Variants in G3BP1 observed in about 807,000 individuals in gnomAD.
G3BP1 encodes the protein ras GTPase-activating protein-binding protein 1.
In G3BP1, 35 loss-of-function variants were observed where a neutral mutation model predicts 58.6. That is an observed-to-expected ratio of 0.60 (90% CI 0.46 to 0.79). The LOEUF (loss-of-function observed/expected upper bound fraction) is 0.79, where lower values mean the gene tolerates loss of function less well. Among genes scored for constraint, G3BP1 ranks in the 30% least tolerant of loss-of-function variants. The pLI, the probability that G3BP1 is intolerant of heterozygous loss-of-function variation, is 0.00. For synonymous variants in G3BP1, 191 were observed against 195.4 expected, an observed-to-expected ratio of 0.98 and a Z score of 0.19; for missense variants, 523 against 580.8, an observed-to-expected ratio of 0.90 and a Z score of 1.02.
intron 4 of G3BP1, 70 bp downstream of exon 4, chr5:151,791,132 A>G (rs1317743885): frequency 1.6e-6 from 2 of 1,284,138 alleles, no homozygotes; most frequent in Admixed American, 3.4e-5. Flanking sequence ...TGTTGTGCAT[A>G]TCTTTAAAAA....
At position 151,812,504 on chromosome 5, in the gene G3BP1, C is replaced by G. The variant is rs1015600849; in HGVS notation, c.*8413C>G. On this transcript the variant is annotated 3_prime_UTR_variant, in exon 12 of 12. Transcript: ENST00000356245. ...AAGGGTGCATCTTTTGTGCAAGTATCTAAGCGGGCAAAATGGGGAAAACAT... is the reference window on the plus strand; with the variant it reads ...AAGGGTGCATCTTTTGTGCAAGTATGTAAGCGGGCAAAATGGGGAAAACAT... 1 of 152,202 alleles carries G rather than the reference C, an allele frequency of 6.6e-6. No individual in the cohort carries two copies. Among genetic ancestry groups the G allele is most frequent in the African/African-American group, 2.4e-5 (1 of 41,448 alleles). 9.4% of individuals were successfully genotyped at this position (152,202 alleles called of 1,614,324 possible).
intron 7 of G3BP1, 74 bp downstream of exon 7, chr5:151,797,502 G>C (rs1227994363): frequency 6.8e-7 from 1 of 1,463,254 alleles, no homozygotes. Context: ...CTTTTGTATT[G>C]CTGTTTGGTT....
intron 1 of G3BP1, among the ~76,000 whole-genome samples, chr5:151,783,805 C>T (rs73281646): frequency 0.2 from 30,218 of 152,076 alleles, 3,551 homozygotes; most frequent in African/African-American, 0.33. Flanking sequence ...CTCTGTCGCC[C>T]AGGCTGGAGT....
rs191348712 is a variant in G3BP1, at chr5:151,812,008, G to C, written c.*7917G>C. 16 of 152,342 alleles carry C rather than the reference G, an allele frequency of 1.1e-4. No homozygotes were observed. Among genetic ancestry groups the C allele is most frequent in the African/African-American group, 3.6e-4 (15 of 41,578 alleles). 9.4% of individuals were successfully genotyped at this position (152,342 alleles called of 1,614,324 possible). On this transcript the variant is annotated 3_prime_UTR_variant, in exon 12 of 12. Transcript: ENST00000356245. ...TATCTTCTACTTTGGCTAGCTGTCAGAGTTGCCGCTATGTGAGCTTGTGAC... is the reference window on the plus strand; with the variant it reads ...TATCTTCTACTTTGGCTAGCTGTCACAGTTGCCGCTATGTGAGCTTGTGAC...
Position 151,799,880 on chromosome 5 carries a change from ATT to A in G3BP1, c.844-5_844-4del, listed in dbSNP as rs1210391282. 6.4e-7 allele frequency: 1 copy of A among 1,555,466 alleles called. No individual in the cohort carries two copies. The highest frequency in any genetic ancestry group is 1.2e-5 in the South Asian group (1 of 86,954). On this transcript the variant is annotated splice_polypyrimidine_tract_variant and splice_region_variant and intron_variant, in intron 8 of 11. Transcript: ENST00000356245. The stretch of plus-strand genomic sequence containing the variant: ...GTTTTAACACAAAAGTTAACTTAAA[ATT>A]TTTCAGCCCCGTCCAGAGTCTAAGC...
intron 7 of G3BP1, among the ~76,000 whole-genome samples, chr5:151,798,608 G>A (rs577442156): frequency 1.1e-4 from 17 of 152,344 alleles, no homozygotes; most frequent in African/African-American, 4.1e-4. Flanking sequence ...ATCACAGTAG[G>A]AAGAGCTGAG....
At chr5:151,782,832 T>A (rs1762490650) in intron 1 of G3BP1, among the ~76,000 whole-genome samples, 1 of 151,098 alleles carries the variant, frequency 6.6e-6, no homozygotes, top group Admixed American at 6.6e-5. Flanking sequence ...CAAAACACTG[T>A]CTTTTCTGTG....
At chr5:151,795,411 T>C in intron 5 of G3BP1, 68 bp from the exon 6 acceptor site, 1 of 789,172 alleles carries the variant, frequency 1.3e-6, no homozygotes, top group Non-Finnish European at 2.1e-6. Context: ...TTTGTGAACA[T>C]TGCGAAAGTT....
At position 151,804,337 on chromosome 5, in the gene G3BP1, C is replaced by CA. The variant is rs140252175; in HGVS notation, c.*255dup. On this transcript the variant is annotated 3_prime_UTR_variant, in exon 12 of 12. Transcript: ENST00000356245. ...TAGGAATAACGGACTTTTAAAGAAG[C>CA]AAAAAAAAAGACTGAATTTCCTTGC... 0.21 allele frequency: 70,152 copies of CA among 336,328 alleles called. 6,186 individuals are homozygous for CA. Among genetic ancestry groups the CA allele is most frequent in the South Asian group, 0.29 (2,067 of 7,112 alleles). 20.8% of individuals were successfully genotyped at this position (336,328 alleles called of 1,614,324 possible).
intron 1 of G3BP1, chr5:151,772,447 G>C (rs1762285371): frequency 6.6e-6 from 1 of 152,344 alleles, no homozygotes; most frequent in African/African-American, 2.4e-5. Flanking sequence ...CGGACCAGAA[G>C]GAGGCTTTCG....
At chr5:151,787,203 T>C (rs2053063) in intron 2 of G3BP1, 32,035 of 152,442 alleles carry the variant, frequency 0.21, 4,020 homozygotes, top group South Asian at 0.32. Context: ...TCTAAACTTG[T>C]ACATTATTGG....
At chr5:151,787,337 T>C (rs1762570195) in intron 2 of G3BP1, 1 of 152,334 alleles carries the variant, frequency 6.6e-6, no homozygotes, top group Non-Finnish European at 1.5e-5. Context: ...TGACTGTTCC[T>C]GTAATACCAT....
intron 11 of G3BP1, among the ~76,000 whole-genome samples, chr5:151,801,195 A>G (rs765285360): frequency 6.6e-5 from 10 of 152,220 alleles, no homozygotes; most frequent in Non-Finnish European, 1.5e-4. Context: ...ACCTACTTCT[A>G]ACTATTAACT....
Position 151,807,806 on chromosome 5 carries a change from G to A in G3BP1, c.*3715G>A, listed in dbSNP as rs1762960108. 1 of 152,144 alleles carries A rather than the reference G, an allele frequency of 6.6e-6. No homozygotes were observed. The highest frequency in any genetic ancestry group is 2.1e-4 in the South Asian group (1 of 4,832). The allele number at this position is 152,144 out of a possible 1,614,324, so 9.4% of individuals were successfully genotyped here. A position where few individuals can be genotyped will look rare whatever the true frequency, so the allele number is the denominator to read the frequency against. ...TTTAGAACTTACAGGTAACCTTTTT[G>A]AAGAGCTTAGATTTGTAGACCACTG... On this transcript the variant is annotated 3_prime_UTR_variant, in exon 12 of 12. Transcript: ENST00000356245.
chr5:151,776,897 CTTTTT>C (rs199646127), intron 1 of G3BP1, among the ~76,000 whole-genome samples: 1 of 130,592 alleles, frequency 7.7e-6, no homozygotes, highest in Admixed American at 7.7e-5. Flanking sequence ...GTTGTTCCAG[CTTTTT>C]TTTTTTTTTT....
Position 151,795,343 on chromosome 5 carries a change from A to G in G3BP1, c.443-136A>G, listed in dbSNP as rs151023041. ...TAGTTCTGTCCTTAAAGTCAGTGCC[A>G]TGATTTTACCAAATTGTCCTACTTT... On this transcript the variant is annotated intron_variant, in intron 5 of 11. Transcript: ENST00000356245. The G allele has an allele frequency of 2.1e-3, 1,240 of 586,804 alleles. 11 individuals carry two copies. Among genetic ancestry groups the G allele is most frequent in the East Asian group, 6.9e-3 (237 of 34,154 alleles). The allele number at this position is 586,804 out of a possible 1,614,324, so 36.3% of individuals were successfully genotyped here.
At chr5:151,779,213 A>T (rs79006127) in intron 1 of G3BP1, among the ~76,000 whole-genome samples, 1 of 151,902 alleles carries the variant, frequency 6.6e-6, no homozygotes, top group Non-Finnish European at 1.5e-5. Flanking sequence ...TTTCTTCTTC[A>T]TTTGCTTTTG....
At chr5:151,778,699 C>T (rs1019411232) in intron 1 of G3BP1, among the ~76,000 whole-genome samples, 2 of 151,774 alleles carry the variant, frequency 1.3e-5, no homozygotes, top group African/African-American at 4.8e-5. Flanking sequence ...TCCTCGGCCT[C>T]CCAAAGTGCT....
intron 4 of G3BP1, chr5:151,792,175 CT>C (rs1363576805): frequency 2.2e-6 from 1 of 455,860 alleles, no homozygotes; most frequent in Non-Finnish European, 4.4e-6. Flanking sequence ...TTTGTGTTTT[CT>C]TCCGGATTGG....
Sources: allele counts gnomAD v4.1 joint callset (sites outside exome capture counted in the v4.1 genomes callset), GRCh38; gene constraint gnomAD v4.1.1; transcripts MANE v1.5; gene names NCBI Gene and HGNC (gene_info 2026-07-23, HGNC 2026-07-21).